Variants in JAG1 observed in about 807,000 individuals in gnomAD.
JAG1 encodes protein jagged-1.
In JAG1, 23 loss-of-function variants were observed where a neutral mutation model predicts 148.7. The ratio of observed to expected loss-of-function variants is 0.15; its 90% CI spans 0.11 to 0.22. The LOEUF (loss-of-function observed/expected upper bound fraction) is 0.22, where lower values mean the gene tolerates loss of function less well. Ranked by LOEUF, JAG1 falls within the 10% of genes least tolerant of loss-of-function variation. JAG1 has a pLI of 1.00. For missense variants in JAG1, 1,054 were observed against 1,611.2 expected (o/e 0.65, Z 5.92); for synonymous variants, 572 against 598.3 (o/e 0.96, Z 0.64).
At chr20:10,653,500 C>T (rs2067359466) in intron 5 of JAG1, among the ~76,000 whole-genome samples, 1 of 150,154 alleles carries the variant, frequency 6.7e-6, no homozygotes, top group Non-Finnish European at 1.5e-5. Context: ...ACTTTAATTG[C>T]CTTCTCAAGA....
chr20:10,656,872 TAAA>T (rs33952645), intron 4 of JAG1, among the ~76,000 whole-genome samples: 9,745 of 113,310 alleles, frequency 0.086, 511 homozygotes, highest in East Asian at 0.24. Context: ...CCTCAGCCTT[TAAA>T]AAAAAAAAAA....
Position 10,652,141 on chromosome 20 carries a change from G to A in JAG1, c.996C>T (p.Asn332=), listed in dbSNP as rs1223158249. The part of the protein sequence containing the change: ...CSCPEGYSGP[N]CEIAEHACLS... ...TCTTGGACCACTTACCAATTTCACA[G>A]TTGGGTCCTGAATACCCCTCAGGGC... The change falls in exon 7 of 26, where the codon AAC becomes AAT. Residue 332 remains asparagine (N), a synonymous_variant. Coordinates refer to ENST00000254958, the MANE Select transcript of JAG1 (RefSeq NM_000214.3). 1 of 1,613,876 alleles carries A rather than the reference G, an allele frequency of 6.2e-7. No homozygotes were observed. The highest frequency in any genetic ancestry group is 8.5e-7 in the Non-Finnish European group (1 of 1,179,926).
Position 10,659,559 on chromosome 20 carries a change from CTTTTTTTTTT to C in JAG1, c.440-847_440-838del, listed in dbSNP as rs35826283. Reference sequence around the variant, plus strand: ...GGAAGCCAAGGAGACGATTAAGTTACTTTTTTTTTTTTTTTTTTTTTTTTTTTTACAATTG... The same window carrying C: ...GGAAGCCAAGGAGACGATTAAGTTACTTTTTTTTTTTTTTTTTTACAATTG... On this transcript the variant is annotated intron_variant, in intron 3 of 25. Transcript: ENST00000254958. Among the ~76,000 whole-genome samples, 174 of 105,158 alleles carry C rather than the reference CTTTTTTTTTT, an allele frequency of 1.7e-3. 8 individuals are homozygous for C. Among genetic ancestry groups the C allele is most frequent in the African/African-American group, 5.6e-3 (153 of 27,218 alleles). 69.0% of individuals were successfully genotyped at this position (105,158 alleles called of 152,430 possible). A position where few individuals can be genotyped will look rare whatever the true frequency, so the allele number is the denominator to read the frequency against.
chr20:10,656,312 A>G (rs1600187748), intron 5 of JAG1, 86 bp downstream of exon 5: 1 of 1,108,924 alleles, frequency 9.0e-7, no homozygotes, highest in East Asian at 2.4e-5. Flanking sequence ...CTCCAAGGAA[A>G]AAAGAGGCAT....
At chr20:10,652,375 C>G (rs759883320) in intron 6 of JAG1, 93 bp downstream of exon 6, 2 of 1,597,320 alleles carry the variant, frequency 1.3e-6, no homozygotes, top group Non-Finnish European at 1.7e-6. Context: ...AAGGAGAATT[C>G]AGAATAAAAG....
intron 21 of JAG1, 74 bp from the exon 22 acceptor site, chr20:10,641,966 A>G (rs2067275630): frequency 1.0e-6 from 1 of 970,004 alleles, no homozygotes; most frequent in African/African-American, 1.6e-5. Context: ...GGTCCCTGTT[A>G]TGAAATGGTT....
At chr20:10,650,418 A>T in intron 8 of JAG1, 58 bp from the exon 9 acceptor site, 1 of 918,034 alleles carries the variant, frequency 1.1e-6, no homozygotes, top group South Asian at 1.4e-5. Context: ...TGACAATTAG[A>T]TCCTTTAACA....
At position 10,641,619 on chromosome 20, in the gene JAG1, G is replaced by A. The variant is rs768365195; in HGVS notation, c.2757C>T (p.Pro919=). Residue 919 remains proline (P), a synonymous_variant, in exon 23 of 26, where the codon CCC becomes CCT. Transcript: ENST00000254958. ...GGACGAAGCACTGGTCGTCCAGGATGGGGATGCAGCTCTGCCCGCTGGGGC... is the reference window on the plus strand; with the variant it reads ...GGACGAAGCACTGGTCGTCCAGGATAGGGATGCAGCTCTGCCCGCTGGGGC... ...SECPSGQSCI[P]ILDDQCFVHP... is the part of the protein sequence containing the mutation. 3 of 1,614,024 alleles carry A rather than the reference G, an allele frequency of 1.9e-6. No individual in the cohort carries two copies. Among genetic ancestry groups the A allele is most frequent in the South Asian group, 2.2e-5 (2 of 91,080 alleles).
At chr20:10,658,446 A>C (rs777500360) in intron 4 of JAG1, 22 bp downstream of exon 4, 5 of 1,612,950 alleles carry the variant, frequency 3.1e-6, no homozygotes, top group Non-Finnish European at 4.2e-6. Context: ...GCACACGTGC[A>C]CATGCACACA....
Position 10,673,013 on chromosome 20 carries a change from G to T in JAG1, c.82-7C>A. ...GACCCGAGGCCCCACACACCTGCCG[G>T]CGAGGGAAGGAGGTAGGTCAGCGCG... On this transcript the variant is annotated splice_polypyrimidine_tract_variant and splice_region_variant and intron_variant, in intron 1 of 25. Transcript: ENST00000254958. This position sits in a 1 kb window ranked among gnomAD's most constrained non-coding sequence, Gnocchi z 4.7. 1 of 1,605,388 alleles carries T rather than the reference G, an allele frequency of 6.2e-7. No individual in the cohort carries two copies. The highest frequency in any genetic ancestry group is 8.5e-7 in the Non-Finnish European group (1 of 1,179,898).
intron 2 of JAG1, among the ~76,000 whole-genome samples, chr20:10,672,293 G>T (rs2067501844): frequency 6.6e-6 from 1 of 152,334 alleles, no homozygotes; most frequent in Non-Finnish European, 1.5e-5. Context: ...GACGGCGTTC[G>T]CAGGCCAGAA....
At position 10,644,273 on chromosome 20, in the gene JAG1, T is replaced by TTCTC. The variant is rs113910163; in HGVS notation, c.2372+80_2372+83dup. The TTCTC allele has an allele frequency of 1.1e-3, 662 of 626,070 alleles. 4 individuals are homozygous for TTCTC. The highest frequency in any genetic ancestry group is 2.0e-3 in the African/African-American group (48 of 24,452). 38.8% of individuals were successfully genotyped at this position (626,070 alleles called of 1,614,324 possible). The stretch of plus-strand genomic sequence containing the variant: ...CATTTTAAACACAATCCCTGGGTGA[T>TTCTC]TCTCACACACACACACACACACACA... On this transcript the variant is annotated intron_variant, in intron 19 of 25. Coordinates refer to ENST00000254958, the MANE Select transcript of JAG1 (RefSeq NM_000214.3).
intron 4 of JAG1, among the ~76,000 whole-genome samples, chr20:10,657,623 A>G (rs2067387350): frequency 2.6e-5 from 4 of 152,196 alleles, no homozygotes. Context: ...ATTATCATGT[A>G]AAATAAGCAG....
intron 22 of JAG1, 43 bp from the exon 23 acceptor site, chr20:10,641,736 C>T: frequency 6.2e-7 from 1 of 1,608,100 alleles, no homozygotes. Context: ...GCATGCTCAT[C>T]CCTGATTCCA....
At position 10,643,351 on chromosome 20, in the gene JAG1, A is replaced by G. The variant is rs562294072; in HGVS notation, c.2458+427T>C. On this transcript the variant is annotated intron_variant, in intron 20 of 25. Coordinates refer to ENST00000254958, the MANE Select transcript of JAG1 (RefSeq NM_000214.3). ...ATTTTCCTGTTTTAGTCATTTCTCC[A>G]GGGCCTGATCAGACCCAGCACAGAC... Among the ~76,000 whole-genome samples, 5 of 152,326 alleles carry G rather than the reference A, an allele frequency of 3.3e-5. No individual in the cohort carries two copies. The East Asian group carries it at 9.6e-4, about 29-fold the overall frequency.
chr20:10,662,242 C>G (rs1247799131), intron 3 of JAG1: 1 of 152,146 alleles, frequency 6.6e-6, no homozygotes, highest in Non-Finnish European at 1.5e-5. Flanking sequence ...TGATTACCCC[C>G]CCAGGAGATG....
At chr20:10,668,691 C>CT (rs1288653464) in intron 2 of JAG1, among the ~76,000 whole-genome samples, 1 of 150,342 alleles carries the variant, frequency 6.7e-6, no homozygotes, top group African/African-American at 2.4e-5. Flanking sequence ...TTTTAAGTAA[C>CT]TTTTTTCTCC....
At chr20:10,671,547 G>T (rs1021362867) in intron 2 of JAG1, among the ~76,000 whole-genome samples, 1 of 152,030 alleles carries the variant, frequency 6.6e-6, no homozygotes, top group Non-Finnish European at 1.5e-5. Context: ...CTAAGCCGGC[G>T]GACAGGAGGC....
intron 5 of JAG1, among the ~76,000 whole-genome samples, chr20:10,653,281 A>G (rs2067358475): frequency 6.7e-6 from 1 of 149,778 alleles, no homozygotes; most frequent in Non-Finnish European, 1.5e-5. Flanking sequence ...GAAAAGAAAA[A>G]AAAAAGAAAG....
Sources: allele counts gnomAD v4.1 joint callset (sites outside exome capture counted in the v4.1 genomes callset), GRCh38; gene constraint gnomAD v4.1.1; non-coding constraint Gnocchi (gnomAD v3.1); transcripts MANE v1.5; gene names NCBI Gene and HGNC (gene_info 2026-07-23, HGNC 2026-07-21).